Variants in DLG5 observed in about 807,000 individuals in gnomAD.
DLG5 encodes discs large MAGUK scaffold protein 5, also known as disks large homolog 5.
Under a neutral mutation model 189.8 loss-of-function variants are expected in DLG5, and 48 were observed. That is an observed-to-expected ratio of 0.25 (90% confidence interval 0.20 to 0.32). The LOEUF is 0.32. DLG5 is among the 10% of genes least tolerant of loss of function. DLG5 has a pLI of 1.00. For synonymous variants in DLG5, 1,016 were observed against 1,054.1 expected (o/e 0.96, Z 0.70); for missense variants, 2,160 against 2,544.7 (o/e 0.85, Z 3.25).
At chr10:77,812,534 C>T (rs1841831612) in intron 20 of DLG5, among the ~76,000 whole-genome samples, 157 bp from the exon 21 acceptor site, 3 of 152,182 alleles carry the variant, frequency 2.0e-5, no homozygotes, top group Admixed American at 1.3e-4. Context: ...ATGGTGGGCC[C>T]ACCCCTGTGT....
chr10:77,843,408 G>A, intron 6 of DLG5, 39 bp downstream of exon 6: 1 of 1,604,580 alleles, frequency 6.2e-7, no homozygotes, highest in Non-Finnish European at 8.5e-7. Flanking sequence ...AACCTTATAG[G>A]ACCCATTTGC....
intron 1 of DLG5, among the ~76,000 whole-genome samples, chr10:77,875,667 C>T (rs1342716209): frequency 6.6e-6 from 1 of 152,170 alleles, no homozygotes. Flanking sequence ...TTGCGGAGTG[C>T]TATCACCTTT....
chr10:77,936,446 CAAAAAAAAAA>C, the DLG5 span, among the ~76,000 whole-genome samples: 17 of 52,134 alleles, frequency 3.3e-4, no homozygotes, highest in African/African-American at 4.7e-4. Flanking sequence ...CAAAACAAAA[CAAAAAAAAAA>C]AAAAAAAAAA....
chr10:77,853,962 T>G (rs1011710274), intron 4 of DLG5, among the ~76,000 whole-genome samples: 3 of 152,236 alleles, frequency 2.0e-5, no homozygotes, highest in Non-Finnish European at 4.4e-5. Flanking sequence ...GAGGCCTGCC[T>G]GAGCCCTGCT....
At position 77,853,534 on chromosome 10, in the gene DLG5, T is replaced by C. The variant is rs765963114; in HGVS notation, c.684A>G (p.Thr228=). Residue 228 remains threonine (T), a synonymous_variant, in exon 5 of 32, where the codon ACA becomes ACG. Transcript: ENST00000372391. ...GGTCACTCAGGAGCCGGCTGTGGAG[T>C]GTGCTGAAACACCCGGTACATGCTC... The part of the protein sequence containing the change: ...EVAKETDFYH[T]LHSRLLSDQT... The C allele has an allele frequency of 1.9e-6, 3 of 1,595,600 alleles. No homozygotes were observed. The highest frequency in any genetic ancestry group is 1.3e-5 in the African/African-American group (1 of 74,762).
intron 30 of DLG5, 126 bp downstream of exon 30, chr10:77,794,723 T>C: frequency 2.9e-6 from 2 of 695,910 alleles, no homozygotes; most frequent in South Asian, 1.8e-5. Flanking sequence ...GTACTGCCTA[T>C]TTCAAGACCC....
intron 8 of DLG5, among the ~76,000 whole-genome samples, chr10:77,835,278 G>GC: frequency 6.6e-6 from 1 of 152,116 alleles, no homozygotes; most frequent in South Asian, 2.1e-4. Context: ...AGCCCTGCAT[G>GC]CCCCCCACAG....
intron 13 of DLG5, 39 bp downstream of exon 13, chr10:77,828,843 T>C (rs1842767424): frequency 1.9e-6 from 3 of 1,595,372 alleles, no homozygotes; most frequent in Non-Finnish European, 2.6e-6. Flanking sequence ...AATCTGCCTA[T>C]GCACGGCAGA....
intron 1 of DLG5, among the ~76,000 whole-genome samples, chr10:77,925,411 A>C (rs1846654696): frequency 6.6e-6 from 1 of 152,132 alleles, no homozygotes; most frequent in African/African-American, 2.4e-5. Context: ...CCAGGCCAGG[A>C]CAAGCCTACC....
At chr10:77,928,295 T>C (rs568277417), upstream of DLG5, 1 of 152,308 alleles carries the variant, frequency 6.6e-6, no homozygotes, top group Admixed American at 6.5e-5. Flanking sequence ...ATCTCAACTT[T>C]TTTGTGAACA....
upstream of DLG5, chr10:77,928,661 G>A (rs537071156): frequency 2.6e-5 from 4 of 152,364 alleles, no homozygotes; most frequent in Middle Eastern, 6.7e-3. Flanking sequence ...AAAGCTAGTT[G>A]GAGGAAGGAA....
chr10:77,916,342 G>A (rs1325309327), intron 1 of DLG5, among the ~76,000 whole-genome samples: 1 of 151,974 alleles, frequency 6.6e-6, no homozygotes, highest in East Asian at 1.9e-4. Flanking sequence ...CCAGGCTGGA[G>A]TGAAATGGCA....
At chr10:77,878,644 C>T (rs1033318368) in intron 1 of DLG5, among the ~76,000 whole-genome samples, 1 of 152,152 alleles carries the variant, frequency 6.6e-6, no homozygotes, top group African/African-American at 2.4e-5. Flanking sequence ...CCATGAGTGT[C>T]GCCTCTCAAT....
intron 3 of DLG5, among the ~76,000 whole-genome samples, chr10:77,855,408 G>C (rs1419792173): frequency 6.6e-6 from 1 of 152,232 alleles, no homozygotes; most frequent in Non-Finnish European, 1.5e-5. Context: ...TCAAGTTTGA[G>C]GACCCTTTTT....
At chr10:77,872,699 A>G (rs186110083) in intron 1 of DLG5, among the ~76,000 whole-genome samples, 2 of 152,280 alleles carry the variant, frequency 1.3e-5, no homozygotes, top group East Asian at 3.9e-4. Flanking sequence ...AAAAGGCAAA[A>G]GAAGCCACTG....
chr10:77,794,809 T>G lies in DLG5; in HGVS notation c.5546+40A>C, dbSNP rs1242596456. ...CTACTTGGGCTCCCAGCCCCACCTG[T>G]GACAAGGCCCCAGCGGAGCCCAGGG... is the stretch of plus-strand genomic sequence containing the variant. On this transcript the variant is annotated intron_variant, in intron 30 of 31. Coordinates refer to ENST00000372391, the MANE Select transcript of DLG5 (RefSeq NM_004747.4). 13 of 1,569,980 alleles carry G rather than the reference T, an allele frequency of 8.3e-6. No homozygotes were observed. The East Asian group carries it at 9.0e-5, about 11-fold the overall frequency.
intron 9 of DLG5, among the ~76,000 whole-genome samples, chr10:77,831,393 A>G (rs1455298028): frequency 6.6e-6 from 1 of 151,354 alleles, no homozygotes; most frequent in Non-Finnish European, 1.5e-5. Context: ...GTGAAACTCC[A>G]TCTCAAAAAA....
chr10:77,932,254 G>A, the DLG5 span, among the ~76,000 whole-genome samples: 1 of 152,210 alleles, frequency 6.6e-6, no homozygotes, highest in African/African-American at 2.4e-5. Context: ...ATGAATGAGT[G>A]GTTGTGGACT....
intron 5 of DLG5, among the ~76,000 whole-genome samples, chr10:77,844,013 C>T (rs937344907): frequency 2.0e-5 from 3 of 152,182 alleles, no homozygotes; most frequent in Non-Finnish European, 4.4e-5. Context: ...TACCGAATGG[C>T]GTCTAGGAAC....
Sources: gnomAD v4.1 joint callset for allele counts (sites outside exome capture counted in the v4.1 genomes callset) on GRCh38, gnomAD v4.1.1 for gene constraint, MANE v1.5 for transcripts, NCBI Gene and HGNC (gene_info 2026-07-23, HGNC 2026-07-21) for gene names.